The following POLA1 variants were observed in gnomAD, a reference collection of about 807,000 sequenced individuals.
POLA1 encodes the protein DNA polymerase alpha catalytic subunit.
A neutral mutation model predicts 124.0 loss-of-function variants in POLA1; 15 were observed. The observed-to-expected ratio is 0.12, with a 90% CI of 0.08 to 0.19. The LOEUF is 0.19. Among genes scored for constraint, POLA1 ranks in the 10% least tolerant of loss-of-function variants. The pLI is 1.00. For synonymous variants in POLA1, 408 were observed against 389.4 expected (o/e 1.05, Z -0.56); for missense variants, 886 against 1,103.4 (o/e 0.80, Z 2.79).
intron 35 of POLA1, among the ~76,000 whole-genome samples, chrX:24,895,205 C>G (rs1205336015): frequency 8.9e-6 from 1 of 112,407 alleles, no homozygotes; most frequent in Non-Finnish European, 1.9e-5. Flanking sequence ...GAGACCAAAA[C>G]TAACAGTAGC....
chrX:24,966,522 G>A (rs10521932), intron 36 of POLA1, among the ~76,000 whole-genome samples: 5,163 of 111,903 alleles, frequency 0.046, 232 homozygotes, highest in African/African-American at 0.14. Context: ...ATGTTGTAAA[G>A]GCTACATGGA....
intron 26 of POLA1, among the ~76,000 whole-genome samples, chrX:24,778,497 A>C (rs186091170): frequency 7.1e-5 from 8 of 111,992 alleles, no homozygotes; most frequent in Admixed American, 2.8e-4. Flanking sequence ...TCCCAAAGTG[A>C]TGGGATTACA....
chrX:24,877,171 A>G (rs1463007037), intron 34 of POLA1, among the ~76,000 whole-genome samples: 1 of 111,860 alleles, frequency 8.9e-6, no homozygotes, highest in Middle Eastern at 4.2e-3. Flanking sequence ...GGGGTGAGTA[A>G]GTACATCTGA....
chrX:24,718,334 G>A (rs1929984012), intron 10 of POLA1, among the ~76,000 whole-genome samples: 2 of 111,333 alleles, frequency 1.8e-5, no homozygotes, highest in African/African-American at 6.5e-5. Context: ...TTAGTTGGGC[G>A]ATGGCCAGGG....
intron 35 of POLA1, among the ~76,000 whole-genome samples, chrX:24,894,444 C>G (rs142733731): frequency 2.6e-4 from 29 of 112,378 alleles, no homozygotes; most frequent in African/African-American, 9.4e-4. Flanking sequence ...AGTATATTAA[C>G]AAAGTACTAC....
At chrX:24,793,330 G>A (rs1414182471) in intron 26 of POLA1, among the ~76,000 whole-genome samples, 2 of 103,748 alleles carry the variant, frequency 1.9e-5, no homozygotes, top group East Asian at 5.9e-4. Context: ...AAAAGGTGTT[G>A]CTTTGTGTGA....
intron 34 of POLA1, among the ~76,000 whole-genome samples, chrX:24,887,246 A>C (rs1452619997): frequency 8.9e-6 from 1 of 112,189 alleles, no homozygotes; most frequent in East Asian, 2.8e-4. Context: ...CACTATGAGA[A>C]AATTCAAACA....
In POLA1 at chrX:24,774,889, C is replaced by T. The variant is rs11573389; in HGVS notation, c.2964+25897C>T. Among the ~76,000 whole-genome samples the T allele has an allele frequency of 7.2e-3, 811 of 112,004 alleles. 4 individuals are homozygous for T. Among genetic ancestry groups the T allele is most frequent in the African/African-American group, 0.024 (750 of 30,839 alleles). ...CAAGGGTTTATGGGAGTTAGTGACA[C>T]GTAGTATACAAGGTTCTTTGAGATT... is the stretch of plus-strand genomic sequence containing the variant. On this transcript the variant is annotated intron_variant, in intron 26 of 36. Coordinates refer to ENST00000379068, the MANE Select transcript of POLA1 (RefSeq NM_001330360.2).
intron 36 of POLA1, among the ~76,000 whole-genome samples, chrX:24,961,723 A>G (rs1375490169): frequency 1.8e-5 from 2 of 111,721 alleles, no homozygotes; most frequent in African/African-American, 6.5e-5. Flanking sequence ...CAAATGCCCA[A>G]TAAAGCCTAA....
rs189828660 is a variant in POLA1, at chrX:24,719,321, T to C, written c.1087+1563T>C. ...GGGGCGGTCAGAAGCATTAATATGC[T>C]TCAGCTTATCAAATATATATAAACT... On this transcript the variant is annotated intron_variant, in intron 10 of 36. Transcript: ENST00000379068. Among the ~76,000 whole-genome samples the C allele has an allele frequency of 3.0e-4, 33 of 111,720 alleles. No homozygotes were observed. In the Admixed American group the frequency reaches 3.1e-3, roughly 11 times the overall value.
chrX:24,936,085 G>A (rs1169327877), intron 36 of POLA1, among the ~76,000 whole-genome samples: 4 of 112,316 alleles, frequency 3.6e-5, no homozygotes, highest in Non-Finnish European at 7.5e-5. Flanking sequence ...CCTGTTCTGT[G>A]TTCCCCATCA....
chrX:24,813,055 A>G (rs757990984), intron 29 of POLA1, among the ~76,000 whole-genome samples, 192 bp downstream of exon 29: 1 of 111,563 alleles, frequency 9.0e-6, no homozygotes, highest in South Asian at 3.8e-4. Flanking sequence ...ACTTAGAAAA[A>G]GCCAAATTTG....
At chrX:24,779,643 G>A (rs755649601) in intron 26 of POLA1, among the ~76,000 whole-genome samples, 3 of 111,848 alleles carry the variant, frequency 2.7e-5, no homozygotes, top group East Asian at 5.6e-4. Flanking sequence ...CCAGAGCCAG[G>A]ATTTAATGCA....
At chrX:24,743,897 C>CTTT (rs1222984310) in intron 23 of POLA1, among the ~76,000 whole-genome samples, 4 of 101,283 alleles carry the variant, frequency 3.9e-5, no homozygotes, top group Non-Finnish European at 8.1e-5. Flanking sequence ...TTCTTTTTTT[C>CTTT]TTTTTTTTTT....
At chrX:24,721,398 T>A (rs1930194091) in intron 10 of POLA1, among the ~76,000 whole-genome samples, 1 of 112,268 alleles carries the variant, frequency 8.9e-6, no homozygotes, top group Admixed American at 9.4e-5. Flanking sequence ...CTGTTATTGA[T>A]GCCAACGGGT....
At chrX:24,783,596 A>G (rs965276545) in intron 26 of POLA1, among the ~76,000 whole-genome samples, 1 of 112,004 alleles carries the variant, frequency 8.9e-6, no homozygotes, top group Non-Finnish European at 1.9e-5. Context: ...ATTTTAGGCT[A>G]TGCTTCTAAG....
intron 31 of POLA1, among the ~76,000 whole-genome samples, chrX:24,825,146 A>G (rs1401164738): frequency 8.9e-6 from 1 of 112,609 alleles, no homozygotes; most frequent in African/African-American, 3.2e-5. Flanking sequence ...CATCTTAACA[A>G]TTCAAGCTTC....
At chrX:24,947,556 C>A (rs766751708) in intron 36 of POLA1, among the ~76,000 whole-genome samples, 1 of 110,984 alleles carries the variant, frequency 9.0e-6, no homozygotes, top group South Asian at 3.8e-4. Flanking sequence ...CAGGCAGGAG[C>A]CACCGCATCC....
intron 36 of POLA1, among the ~76,000 whole-genome samples, chrX:24,983,365 G>A (rs1043853109): frequency 8.9e-6 from 1 of 112,540 alleles, no homozygotes; most frequent in Admixed American, 9.4e-5. Flanking sequence ...TACAGCAGGC[G>A]TGCTAAGGCA....
Sources: allele counts gnomAD v4.1 joint callset (sites outside exome capture counted in the v4.1 genomes callset), GRCh38; gene constraint gnomAD v4.1.1; transcripts MANE v1.5; gene names NCBI Gene and HGNC (gene_info 2026-07-23, HGNC 2026-07-21).